The following ZC3H13 variants were observed in gnomAD, a reference collection of about 807,000 sequenced individuals.
ZC3H13 encodes the protein zinc finger CCCH domain-containing protein 13.
A neutral mutation model predicts 204.1 loss-of-function variants in ZC3H13; 64 were observed. That is an observed-to-expected ratio of 0.31 (90% confidence interval 0.26 to 0.39). ZC3H13 has a LOEUF of 0.39. Ranked by LOEUF, ZC3H13 falls within the 10% of genes least tolerant of loss-of-function variation. The pLI is 1.00. For missense variants in ZC3H13, 1,833 were observed against 2,082.7 expected, an observed-to-expected ratio of 0.88 and a Z score of 2.33; for synonymous variants, 667 against 693.7, an observed-to-expected ratio of 0.96 and a Z score of 0.60.
At chr13:45,988,701 T>C (rs2039738545) in intron 9 of ZC3H13, 86 bp downstream of exon 9, 1 of 1,432,660 alleles carries the variant, frequency 7.0e-7, no homozygotes, top group South Asian at 1.4e-5. Flanking sequence ...AGACTTAACA[T>C]AGCAAAGTCT....
At chr13:45,964,710 T>C (rs1364983596) in intron 16 of ZC3H13, among the ~76,000 whole-genome samples, 1 of 152,142 alleles carries the variant, frequency 6.6e-6, no homozygotes, top group Non-Finnish European at 1.5e-5. Context: ...AAAAAAGTTG[T>C]TAGTAACAAT....
chr13:45,980,377 TAC>T lies in ZC3H13; in HGVS notation c.1721-375_1721-374del, dbSNP rs201573986. ...AAATGGGTACGTATTATTGCTTAAA[TAC>T]AGTTTACAGTGAAAACATTCCAACA... is the stretch of plus-strand genomic sequence containing the variant. On this transcript the variant is annotated intron_variant, in intron 10 of 18. Transcript: ENST00000679008. 1.5e-3 allele frequency among the ~76,000 whole-genome samples: 222 copies of T among 152,292 alleles called. 4 individuals carry two copies. The East Asian group carries it at 0.034, about 24-fold the overall frequency.
intron 11 of ZC3H13, among the ~76,000 whole-genome samples, chr13:45,977,902 T>C (rs1953199584): frequency 6.6e-6 from 1 of 152,102 alleles, no homozygotes; most frequent in African/African-American, 2.4e-5. Flanking sequence ...ACTTAGGTCA[T>C]TTACTACCTG....
At chr13:46,027,954 A>C (rs1385225803) in intron 4 of ZC3H13, among the ~76,000 whole-genome samples, 1 of 152,244 alleles carries the variant, frequency 6.6e-6, no homozygotes, top group Non-Finnish European at 1.5e-5. Flanking sequence ...ACAGTAACGA[A>C]TGTTGTAGAT....
intron 17 of ZC3H13, chr13:45,962,223 T>G: frequency 1.0e-6 from 1 of 985,376 alleles, no homozygotes; most frequent in Middle Eastern, 5.2e-4. Context: ...ATACATCAGT[T>G]CTCTAATACA....
chr13:46,003,272 G>C lies in ZC3H13; in HGVS notation c.811C>G (p.Pro271Ala), dbSNP rs774373778. The C allele has an allele frequency of 2.5e-6, 4 of 1,612,772 alleles. No homozygotes were observed. The South Asian group carries it at 4.4e-5, about 18-fold the overall frequency. The change falls in exon 8 of 19, where the codon CCA (proline) becomes GCA (alanine). Residue 271 changes from proline (P) to alanine (A), a missense_variant. Pro to Ala is a conservative substitution (Grantham distance 27, BLOSUM62 -1). Transcript: ENST00000679008. ...TTTTTCCCCAGAGCGATATCTTCTG[G>C]TATAGGAGGGGGTGGACTAGGAGTA... ...PRTPSPPPPI[P>A]EDIALGKKYK...
At position 46,029,871 on chromosome 13, in the gene ZC3H13, AAAGT is replaced by A. The variant is rs559231278; in HGVS notation, c.340-9318_340-9315del. ...CTTATCAAAAATATTAGCAAATCAA[AAAGT>A]AACTATATAAAATGATGGATATGGA... On this transcript the variant is annotated intron_variant, in intron 4 of 18. Coordinates refer to ENST00000679008, the MANE Select transcript of ZC3H13 (RefSeq NM_001330564.2). Among the ~76,000 whole-genome samples, 175 of 152,326 alleles carry A rather than the reference AAAGT, an allele frequency of 1.1e-3. 1 individual carries two copies. The highest frequency in any genetic ancestry group is 2.2e-3 in the Non-Finnish European group (150 of 68,030).
chr13:46,010,480 T>C lies in ZC3H13; in HGVS notation c.614A>G (p.Lys205Arg), dbSNP rs1173546771. Residue 205 changes from lysine (K) to arginine (R), a missense_variant, in exon 7 of 19, where the codon AAA (lysine) becomes AGA (arginine). This residue lies in a region of ZC3H13 where 1,574 missense variants were observed against 1,757.2 expected (regional missense o/e 0.90). Coordinates refer to ENST00000679008, the MANE Select transcript of ZC3H13 (RefSeq NM_001330564.2). ...KEVSPEVVRS[K>R]LSPSPSLRKS... ...TCTTAGAGAAGGTGACGGGGACAAT[T>C]TTGATCTAACCACTTCTGGTGAAAC... 1.2e-6 allele frequency: 2 copies of C among 1,613,400 alleles called. No homozygotes were observed. Among genetic ancestry groups the C allele is most frequent in the Non-Finnish European group, 8.5e-7 (1 of 1,179,578 alleles).
rs1225241687 is a variant in ZC3H13, at chr13:46,052,527, C to T, written c.-133G>A. The T allele has an allele frequency of 2.5e-6, 1 of 398,678 alleles. No homozygotes were observed. The highest frequency in any genetic ancestry group is 2.1e-5 in the African/African-American group (1 of 48,734). The allele number at this position is 398,678 out of a possible 1,614,324, so 24.7% of individuals were successfully genotyped here. ...CAGGAGGACGACGACGAGGAGAAAG[C>T]GATGCGCGCGCGGCTCCCGGGAACC... On this transcript the variant is annotated 5_prime_UTR_variant, in exon 1 of 19. Transcript: ENST00000679008.
At position 45,985,213 on chromosome 13, in the gene ZC3H13, T is replaced by C. The variant is rs1954066522; in HGVS notation, c.1720+84A>G. The C allele has an allele frequency of 1.4e-5, 18 of 1,301,252 alleles. No homozygotes were observed. The South Asian group carries it at 2.2e-4, about 16-fold the overall frequency. 80.6% of individuals were successfully genotyped at this position (1,301,252 alleles called of 1,614,324 possible). A position where few individuals can be genotyped will look rare whatever the true frequency, so the allele number is the denominator to read the frequency against. On this transcript the variant is annotated intron_variant, in intron 10 of 18. Transcript: ENST00000679008. The stretch of plus-strand genomic sequence containing the variant: ...ATTACTGTGACAAAATGATAACAAA[T>C]GTAAGAAACAACATATTAGAAATCT...
intron 6 of ZC3H13, 127 bp from the exon 7 acceptor site, chr13:46,010,632 AC>A (rs916161840): frequency 1.0e-6 from 1 of 957,516 alleles, no homozygotes; most frequent in African/African-American, 1.6e-5. Flanking sequence ...GCAGTGGTTC[AC>A]ACCTGTAATC....
chr13:45,996,204 G>A (rs189703993), intron 8 of ZC3H13, among the ~76,000 whole-genome samples: 378 of 152,178 alleles, frequency 2.5e-3, no homozygotes, highest in Non-Finnish European at 4.2e-3. Context: ...ATATAAGTGA[G>A]TACACTGATA....
intron 1 of ZC3H13, among the ~76,000 whole-genome samples, chr13:46,046,348 T>C (rs940128864): frequency 1.3e-5 from 2 of 152,046 alleles, no homozygotes; most frequent in Non-Finnish European, 2.9e-5. Context: ...TCTGTTAGAT[T>C]TGATGTAAAC....
chr13:46,003,384 G>C (rs777117434), intron 7 of ZC3H13, 48 bp from the exon 8 acceptor site: 5 of 1,543,504 alleles, frequency 3.2e-6, no homozygotes, highest in Non-Finnish European at 4.4e-6. Context: ...ATGCCAAAAG[G>C]ATATTTTTTA....
In ZC3H13 at chr13:45,955,662, G is replaced by A. The variant is rs1400694611; in HGVS notation, c.*1465C>T. ...GCTTCCTGAAGGGTATTCATTCTCT[G>A]AGGTCATACATTTTTTTTTTCTTTA... On this transcript the variant is annotated 3_prime_UTR_variant, in exon 19 of 19. Coordinates refer to ENST00000679008, the MANE Select transcript of ZC3H13 (RefSeq NM_001330564.2). 1.3e-5 allele frequency: 2 copies of A among 151,972 alleles called. No homozygotes were observed. The highest frequency in any genetic ancestry group is 2.9e-5 in the Non-Finnish European group (2 of 67,960). The allele number at this position is 151,972 out of a possible 1,614,324, so 9.4% of individuals were successfully genotyped here.
chr13:45,988,259 T>C (rs1380187826), intron 9 of ZC3H13, among the ~76,000 whole-genome samples: 1 of 152,118 alleles, frequency 6.6e-6, no homozygotes, highest in Non-Finnish European at 1.5e-5. Flanking sequence ...ATTATTATTA[T>C]TATTGTTATT....
chr13:46,042,391 C>T (rs570795077), intron 3 of ZC3H13, 116 bp from the exon 4 acceptor site: 2 of 641,786 alleles, frequency 3.1e-6, no homozygotes, highest in Non-Finnish European at 4.9e-6. Context: ...TCACAAATCT[C>T]AATACACTTT....
intron 4 of ZC3H13, among the ~76,000 whole-genome samples, chr13:46,039,300 T>C (rs1438267812): frequency 6.6e-6 from 1 of 152,192 alleles, no homozygotes; most frequent in Non-Finnish European, 1.5e-5. Context: ...TACATTCAGT[T>C]AACTGTCAAC....
chr13:45,979,982 A>T lies in ZC3H13; in HGVS notation c.1743T>A (p.Ser581=). Residue 581 remains serine (S), a synonymous_variant, in exon 11 of 19, where the codon TCT becomes TCA. Transcript: ENST00000679008. ...PEKGSRGSRG[S]QIDSHSSNSN... ...TATTACTACTGTGACTATCAATTTG[A>T]GAACCTCTTGAGCCTCGACTTCCTA... 1 of 1,605,358 alleles carries T rather than the reference A, an allele frequency of 6.2e-7. No individual in the cohort carries two copies. Among genetic ancestry groups the T allele is most frequent in the Non-Finnish European group, 8.5e-7 (1 of 1,176,848 alleles).
Sources: gnomAD v4.1 joint callset for allele counts (sites outside exome capture counted in the v4.1 genomes callset) on GRCh38, gnomAD v4.1.1 for gene constraint, gnomAD v4.1.1 regional missense constraint, MANE v1.5 for transcripts, NCBI Gene and HGNC (gene_info 2026-07-23, HGNC 2026-07-21) for gene names.